RERE: variants seen among roughly 807,000 people sequenced by gnomAD.
RERE encodes arginine-glutamic acid dipeptide repeats, also known as arginine-glutamic acid dipeptide repeats protein.
In RERE, 40 loss-of-function variants were observed where a neutral mutation model predicts 146.1. That is an observed-to-expected ratio of 0.27 (90% CI 0.21 to 0.36). RERE has a LOEUF of 0.36. Among genes scored for constraint, RERE ranks in the 10% least tolerant of loss-of-function variants. The pLI is 1.00. For synonymous variants in RERE, 1,003 were observed against 866.0 expected (o/e 1.16, Z -2.78); for missense variants, 1,933 against 2,138.7 (o/e 0.90, Z 1.90).
At chr1:8,767,624 G>GAAAAA (rs1324223588) in intron 1 of RERE, among the ~76,000 whole-genome samples, 1 of 147,620 alleles carries the variant, frequency 6.8e-6, no homozygotes, top group African/African-American at 2.5e-5. Context: ...AAAAGAGAAA[G>GAAAAA]AAAAAAAATG....
chr1:8,795,131 G>T (rs1038284370), intron 1 of RERE, among the ~76,000 whole-genome samples: 1 of 151,984 alleles, frequency 6.6e-6, no homozygotes, highest in Non-Finnish European at 1.5e-5. Context: ...GGGTTTAGGT[G>T]ATTCTTGTCT....
intron 1 of RERE, among the ~76,000 whole-genome samples, chr1:8,700,313 T>A (rs888982952): frequency 2.6e-5 from 4 of 151,002 alleles, no homozygotes; most frequent in Admixed American, 6.6e-5. Flanking sequence ...TCAAAAAAAA[T>A]AAAAATAAAA....
chr1:8,670,817 T>C (rs951314211), intron 1 of RERE, among the ~76,000 whole-genome samples: 2 of 152,124 alleles, frequency 1.3e-5, no homozygotes, highest in East Asian at 1.9e-4. Flanking sequence ...GGAAAAGCCA[T>C]GGTGGAGTTT....
chr1:8,467,136 A>G (rs1193519080), intron 10 of RERE, among the ~76,000 whole-genome samples: 1 of 152,250 alleles, frequency 6.6e-6, no homozygotes, highest in Non-Finnish European at 1.5e-5. Context: ...GGGACACAGC[A>G]GTAAACAACA....
intron 1 of RERE, among the ~76,000 whole-genome samples, chr1:8,750,084 G>A (rs1286907407): frequency 1.4e-5 from 2 of 147,726 alleles, no homozygotes; most frequent in Admixed American, 7.0e-5. Flanking sequence ...TGCAGAGGCC[G>A]AGGTTACAGT....
intron 1 of RERE, among the ~76,000 whole-genome samples, chr1:8,789,298 AAAAATATATAT>A (rs1347485160): frequency 9.7e-6 from 1 of 103,420 alleles, no homozygotes; most frequent in African/African-American, 4.4e-5. Context: ...AAAAAAAAAA[AAAAATATATAT>A]ATATATATAT....
intron 1 of RERE, among the ~76,000 whole-genome samples, chr1:8,762,827 C>T (rs1448505039): frequency 6.6e-6 from 1 of 152,146 alleles, no homozygotes; most frequent in African/African-American, 2.4e-5. Flanking sequence ...TATGGCAAGG[C>T]TTATGGAGAA....
intron 7 of RERE, chr1:8,525,819 C>T: frequency 6.4e-7 from 1 of 1,565,816 alleles, no homozygotes. Flanking sequence ...TAGCTGGATT[C>T]CTGAACCTTT....
Position 8,360,794 on chromosome 1 carries a change from A to C in RERE, c.2713T>G (p.Ser905Ala), listed in dbSNP as rs924217149. ...GGAGGCTGTTGGGACTGCAGCGCTGACTGAGAGGCTGGCAGCTGCAGGGAG... is the reference window on the plus strand; with the variant it reads ...GGAGGCTGTTGGGACTGCAGCGCTGCCTGAGAGGCTGGCAGCTGCAGGGAG... The part of the protein sequence containing the change: ...HTSLQLPASQ[S>A]ALQSQQPPRE... Residue 905 changes from serine to alanine, a missense_variant, in exon 18 of 23, where the codon TCA becomes GCA. Physicochemically the swap from Ser to Ala is moderately conservative, Grantham distance 99 (BLOSUM62 1). Around this residue, in one of 11 missense-constraint regions of RERE, gnomAD observed 1,255 missense variants for 1,153.8 expected, o/e 1.09. Coordinates refer to ENST00000400908, the MANE Select transcript of RERE (RefSeq NM_001042681.2). 3 of 1,585,428 alleles carry C rather than the reference A, an allele frequency of 1.9e-6. No homozygotes were observed. The African/African-American group carries it at 4.0e-5, about 21-fold the overall frequency.
chr1:8,562,734 A>G (rs7530863), intron 4 of RERE, among the ~76,000 whole-genome samples: 128,206 of 152,002 alleles, frequency 0.84, 54,393 homozygotes, highest in East Asian at 0.95. Context: ...ATAAAGTTTC[A>G]GGACTCTGGG....
chr1:8,417,654 T>C (rs1307185896), intron 12 of RERE, among the ~76,000 whole-genome samples: 2 of 152,164 alleles, frequency 1.3e-5, no homozygotes, highest in Non-Finnish European at 2.9e-5. Flanking sequence ...TCCCATCCTA[T>C]ACATACTTCG....
rs1278697594 is a variant in RERE, at chr1:8,355,544, G to A, written c.4542C>T (p.Ala1514=). 6.2e-7 allele frequency: 1 copy of A among 1,607,606 alleles called. No individual in the cohort carries two copies. Among genetic ancestry groups the A allele is most frequent in the Non-Finnish European group, 8.5e-7 (1 of 1,176,620 alleles). ...GGGCATGCATGGCCTGCAGCTGGTG[G>A]GCTGCTGACATGGGGGGTGGGATGG... ...PGAIPPPMSA[A]HQLQAMHAQS... is the part of the protein sequence containing the mutation. The change falls in exon 22 of 23, where the codon GCC becomes GCT. Residue 1514 remains alanine (A), a synonymous_variant. Transcript: ENST00000400908.
chr1:8,521,893 C>G (rs538167021), intron 7 of RERE, among the ~76,000 whole-genome samples: 1 of 152,140 alleles, frequency 6.6e-6, no homozygotes, highest in Non-Finnish European at 1.5e-5. Context: ...TTGGCCCCTG[C>G]CCCAAAAGCT....
intron 1 of RERE, among the ~76,000 whole-genome samples, chr1:8,796,000 A>AAC (rs1553150432): frequency 1.9e-5 from 2 of 104,778 alleles, no homozygotes; most frequent in African/African-American, 3.1e-5. Flanking sequence ...AAAAAAAAAC[A>AAC]AAACAAAACA....
chr1:8,613,778 T>C (rs2124191012), intron 4 of RERE, among the ~76,000 whole-genome samples: 1 of 152,164 alleles, frequency 6.6e-6, no homozygotes, highest in East Asian at 1.9e-4. Context: ...CACTAGTCAT[T>C]CAGAATAATA....
intron 1 of RERE, among the ~76,000 whole-genome samples, chr1:8,814,678 T>C (rs1641877226): frequency 1.3e-5 from 2 of 152,114 alleles, no homozygotes; most frequent in African/African-American, 4.8e-5. Flanking sequence ...TTCCATAGAG[T>C]AGGTTTATTT....
intron 1 of RERE, among the ~76,000 whole-genome samples, chr1:8,783,691 C>A (rs536137886): frequency 6.6e-6 from 1 of 152,280 alleles, no homozygotes; most frequent in South Asian, 2.1e-4. Context: ...CAAATCACAT[C>A]ATGTCACTTC....
At chr1:8,741,435 C>T (rs1640305433) in intron 1 of RERE, among the ~76,000 whole-genome samples, 1 of 152,110 alleles carries the variant, frequency 6.6e-6, no homozygotes, top group African/African-American at 2.4e-5. Context: ...AATTGTAAAC[C>T]CCATAATCCT....
intron 2 of RERE, among the ~76,000 whole-genome samples, chr1:8,652,185 G>A (rs188764052): frequency 3.9e-5 from 6 of 152,166 alleles, no homozygotes; most frequent in East Asian, 1.9e-4. Context: ...GGATGCAAAG[G>A]CACAGCCCCC....
Sources: allele counts gnomAD v4.1 joint callset (sites outside exome capture counted in the v4.1 genomes callset), GRCh38; gene constraint gnomAD v4.1.1; regional missense constraint gnomAD v4.1.1; transcripts MANE v1.5; gene names NCBI Gene and HGNC (gene_info 2026-07-23, HGNC 2026-07-21).